Variants in SLC7A6OS observed in about 807,000 individuals in gnomAD.
The protein encoded by SLC7A6OS is solute carrier family 7 member 6 opposite strand, also known as probable RNA polymerase II nuclear localization protein SLC7A6OS.
SLC7A6OS carries 22 observed loss-of-function variants against 34.3 expected under a neutral mutation model. That is an observed-to-expected ratio of 0.64 (90% CI 0.46 to 0.92). The LOEUF (loss-of-function observed/expected upper bound fraction) is 0.92. Among genes scored for constraint, SLC7A6OS ranks in the 40% least tolerant of loss-of-function variants. The pLI is 0.00. For missense variants in SLC7A6OS, 434 were observed against 407.7 expected, an observed-to-expected ratio of 1.06 and a Z score of -0.56; for synonymous variants, 199 against 165.0, an observed-to-expected ratio of 1.21 and a Z score of -1.58.
chr16:68,309,324 C>G (rs1188106776), intron 2 of SLC7A6OS, among the ~76,000 whole-genome samples: 1 of 151,998 alleles, frequency 6.6e-6, no homozygotes, highest in Non-Finnish European at 1.5e-5. Flanking sequence ...CTCAAGCGAC[C>G]CTCCTGCCTC....
rs142733337 is a variant in SLC7A6OS at position 68,298,848 on chromosome 16, C to G, written c.*2427G>C. 6.6e-6 allele frequency: 1 copy of G among 152,564 alleles called. No individual in the cohort carries two copies. Among genetic ancestry groups the G allele is most frequent in the African/African-American group, 2.4e-5 (1 of 41,410 alleles). 9.5% of individuals were successfully genotyped at this position (152,564 alleles called of 1,614,324 possible). A position where few individuals can be genotyped will look rare whatever the true frequency, so the allele number is the denominator to read the frequency against. On this transcript the variant is annotated 3_prime_UTR_variant, in exon 5 of 5. Transcript: ENST00000263997. ...GCCCCCAGACACTGTCATCCTGGGC[C>G]GAGAAGAACCTGCTAGCTTGACATA...
chr16:68,301,524 A>G (rs2043275902), intron 4 of SLC7A6OS, 119 bp from the exon 5 acceptor site: 1 of 740,352 alleles, frequency 1.4e-6, no homozygotes, highest in South Asian at 2.6e-5. Context: ...ATCCTTGCTC[A>G]ATAAATAAAA....
At position 68,304,135 on chromosome 16, in the gene SLC7A6OS, T is replaced by C; in HGVS notation, c.569A>G (p.Glu190Gly). The C allele has an allele frequency of 6.2e-7, 1 of 1,614,148 alleles. No individual in the cohort carries two copies. The highest frequency in any genetic ancestry group is 8.5e-7 in the Non-Finnish European group (1 of 1,180,036). The change falls in exon 3 of 5, where the codon GAA (glutamate) becomes GGA (glycine). Residue 190 changes from glutamate to glycine, a missense_variant. Coordinates refer to ENST00000263997, the MANE Select transcript of SLC7A6OS (RefSeq NM_032178.3). ...EDGPGVRRQE[E>G]QKHDDYVYDI... ...ATACACATAGTCATCGTGTTTTTGT[T>C]CTTCCTGGCGCCTGACTCCTGGTCC...
rs1017295588 is a variant in SLC7A6OS, at chr16:68,304,105, A to G, written c.599T>C (p.Ile200Thr). 1 of 1,613,998 alleles carries G rather than the reference A, an allele frequency of 6.2e-7. No homozygotes were observed. Among genetic ancestry groups the G allele is most frequent in the Admixed American group, 1.7e-5 (1 of 59,992 alleles). ...TGGAGTGGCCGTCTCCAAGTAGTAA[A>G]TGTCATACACATAGTCATCGTGTTT... ...EQKHDDYVYD[I>T]YYLETATPGW... Residue 200 changes from isoleucine (I) to threonine (T), a missense_variant, in exon 3 of 5, where the codon ATT becomes ACT. Coordinates refer to ENST00000263997, the MANE Select transcript of SLC7A6OS (RefSeq NM_032178.3).
rs770799799 is a variant in SLC7A6OS at position 68,310,362 on chromosome 16, A to G, written c.444T>C (p.Pro148=). The change falls in exon 2 of 5, where the codon CCT becomes CCC. Residue 148 remains proline (P), a synonymous_variant. Coordinates refer to ENST00000263997, the MANE Select transcript of SLC7A6OS (RefSeq NM_032178.3). ...TGCAGGAGCCTGCAGAGGCGGCTTC[A>G]GGTTCTCCCTCCTCGTGGACAAGGT... is the stretch of plus-strand genomic sequence containing the variant. The part of the protein sequence containing the change: ...LLDLVHEEGE[P]EAASAGSCKT... 6 of 1,607,742 alleles carry G rather than the reference A, an allele frequency of 3.7e-6. No homozygotes were observed. In the African/African-American group the frequency reaches 6.7e-5, roughly 18 times the overall value.
At position 68,300,925 on chromosome 16, in the gene SLC7A6OS, T is replaced by G. The variant is rs1158886327; in HGVS notation, c.*350A>C. On this transcript the variant is annotated 3_prime_UTR_variant, in exon 5 of 5. Coordinates refer to ENST00000263997, the MANE Select transcript of SLC7A6OS (RefSeq NM_032178.3). Reference sequence around the variant, plus strand: ...CAGCAGAAGCTTACTGCTAATGAAATGGGAACCTCCCCCTCCCTTGTGGTT... The same window carrying G: ...CAGCAGAAGCTTACTGCTAATGAAAGGGGAACCTCCCCCTCCCTTGTGGTT... 1 of 1,002,222 alleles carries G rather than the reference T, an allele frequency of 1.0e-6. No homozygotes were observed. Among genetic ancestry groups the G allele is most frequent in the Non-Finnish European group, 1.2e-6 (1 of 840,956 alleles). The allele number at this position is 1,002,222 out of a possible 1,614,324, so 62.1% of individuals were successfully genotyped here. A position where few individuals can be genotyped will look rare whatever the true frequency, so the allele number is the denominator to read the frequency against.
intron 2 of SLC7A6OS, among the ~76,000 whole-genome samples, chr16:68,308,200 C>A (rs1396451507): frequency 1.3e-5 from 2 of 151,984 alleles, no homozygotes; most frequent in Non-Finnish European, 2.9e-5. Context: ...CTGTGCCCGG[C>A]CTAGTGAACT....
chr16:68,305,118 GCTTCTATAGGT>G (rs2043317624), intron 2 of SLC7A6OS, among the ~76,000 whole-genome samples: 1 of 152,166 alleles, frequency 6.6e-6, no homozygotes, highest in Non-Finnish European at 1.5e-5. Context: ...AGTCAGACCT[GCTTCTATAGGT>G]CTTCTGAGAT....
At chr16:68,305,561 T>C (rs2043320679) in intron 2 of SLC7A6OS, among the ~76,000 whole-genome samples, 1 of 151,976 alleles carries the variant, frequency 6.6e-6, no homozygotes, top group Admixed American at 6.6e-5. Context: ...CGCAGGAAAA[T>C]GGGGAAGATC....
At chr16:68,301,436 ATG>A in intron 4 of SLC7A6OS, 31 bp from the exon 5 acceptor site, 3 of 1,602,994 alleles carry the variant, frequency 1.9e-6, no homozygotes, top group Non-Finnish European at 2.6e-6. Context: ...TGGATTCTAA[ATG>A]TGATTTTCCT....
At position 68,299,389 on chromosome 16, in the gene SLC7A6OS, CTCCTT is replaced by C. The variant is rs1165554504; in HGVS notation, c.*1881_*1885del. 1 of 152,634 alleles carries C rather than the reference CTCCTT, an allele frequency of 6.6e-6. No homozygotes were observed. The highest frequency in any genetic ancestry group is 6.5e-5 in the Admixed American group (1 of 15,268). The allele number at this position is 152,634 out of a possible 1,614,324, so 9.5% of individuals were successfully genotyped here. ...TACTTGCTTAGTGAGCCATGTCATCCTCCTTTCATTTTTGGATGGTGACAGCATTT... is the reference window on the plus strand; with the variant it reads ...TACTTGCTTAGTGAGCCATGTCATCCTCATTTTTGGATGGTGACAGCATTT... On this transcript the variant is annotated 3_prime_UTR_variant, in exon 5 of 5. Transcript: ENST00000263997.
rs773262305 is a variant in SLC7A6OS at position 68,310,863 on chromosome 16, C to T, written c.64G>A (p.Ala22Thr). The change falls in exon 1 of 5, where the codon GCT becomes ACT. Residue 22 changes from alanine (A) to threonine (T), a missense_variant. Transcript: ENST00000263997. The stretch of plus-strand genomic sequence containing the variant: ...AGGCGTTTACAAGCGAGCACAAGAG[C>T]CTCCGCCGGCTCCGCACTGCGCTTC... ...KRKRSAEPAE[A>T]LVLACKRLRS... 2 of 1,611,416 alleles carry T rather than the reference C, an allele frequency of 1.2e-6. No homozygotes were observed. Among genetic ancestry groups the T allele is most frequent in the Non-Finnish European group, 1.7e-6 (2 of 1,179,412 alleles).
chr16:68,299,883 G>A lies in SLC7A6OS; in HGVS notation c.*1392C>T, dbSNP rs1418130814. On this transcript the variant is annotated 3_prime_UTR_variant, in exon 5 of 5. Coordinates refer to ENST00000263997, the MANE Select transcript of SLC7A6OS (RefSeq NM_032178.3). The stretch of plus-strand genomic sequence containing the variant: ...TGTGTACACAGAATTTAATCACTTC[G>A]GCAGGTTGAACAACTCCATGTAGAT... 1 of 152,062 alleles carries A rather than the reference G, an allele frequency of 6.6e-6. No homozygotes were observed. The highest frequency in any genetic ancestry group is 1.5e-5 in the Non-Finnish European group (1 of 68,022). The allele number at this position is 152,062 out of a possible 1,614,324, so 9.4% of individuals were successfully genotyped here.
chr16:68,302,324 G>A (rs767705172), intron 4 of SLC7A6OS, 57 bp downstream of exon 4: 1 of 1,602,106 alleles, frequency 6.2e-7, no homozygotes, highest in South Asian at 1.1e-5. Context: ...TGTCAACTAT[G>A]CCTGCACCTC....
At position 68,300,719 on chromosome 16, in the gene SLC7A6OS, T is replaced by TTGATG. The variant is rs1356680771; in HGVS notation, c.*555_*556insCATCA. ...AGTCAGTCAGTAATTTCACAACCGTTATCAGAGTTTGGAAGCAGAAATAGC... is the reference window on the plus strand; with the variant it reads ...AGTCAGTCAGTAATTTCACAACCGTTTGATGATCAGAGTTTGGAAGCAGAAATAGC... On this transcript the variant is annotated 3_prime_UTR_variant, in exon 5 of 5. Transcript: ENST00000263997. 3 of 985,398 alleles carry TTGATG rather than the reference T, an allele frequency of 3.0e-6. No individual in the cohort carries two copies. The East Asian group carries it at 3.4e-4, about 112-fold the overall frequency. The allele number at this position is 985,398 out of a possible 1,614,324, so 61.0% of individuals were successfully genotyped here. A position where few individuals can be genotyped will look rare whatever the true frequency, so the allele number is the denominator to read the frequency against.
Position 68,301,044 on chromosome 16 carries a change from A to T in SLC7A6OS, c.*231T>A. 2 of 1,197,262 alleles carry T rather than the reference A, an allele frequency of 1.7e-6. No homozygotes were observed. The highest frequency in any genetic ancestry group is 2.1e-6 in the Non-Finnish European group (2 of 966,060). 74.2% of individuals were successfully genotyped at this position (1,197,262 alleles called of 1,614,324 possible). On this transcript the variant is annotated 3_prime_UTR_variant, in exon 5 of 5. Coordinates refer to ENST00000263997, the MANE Select transcript of SLC7A6OS (RefSeq NM_032178.3). ...TTTTCAACGTTTTTTTTTCTTTCAA[A>T]CTGTAGGGTCACTTTTGATTGAGGC... is the stretch of plus-strand genomic sequence containing the variant.
chr16:68,308,787 T>C (rs1056089227), intron 2 of SLC7A6OS, among the ~76,000 whole-genome samples: 1 of 152,052 alleles, frequency 6.6e-6, no homozygotes, highest in Admixed American at 6.5e-5. Context: ...GCGCAGCGGC[T>C]CATGCCTGTA....
chr16:68,310,537 A>C lies in SLC7A6OS; in HGVS notation c.269T>G (p.Leu90Arg). The C allele has an allele frequency of 6.3e-7, 1 of 1,583,606 alleles. No individual in the cohort carries two copies. The highest frequency in any genetic ancestry group is 2.3e-5 in the East Asian group (1 of 42,978). ...CCGGACCTCCCGAGCCGAGGCGCGG[A>C]GATTACGGCGGACACGCTGCTGGCT... Reference protein sequence around the residue: ...RDSQQRVRRNLRASAREVRQE... With the variant: ...RDSQQRVRRNRRASAREVRQE... Residue 90 changes from leucine (L) to arginine (R), a missense_variant, in exon 2 of 5, where the codon CTC becomes CGC. Transcript: ENST00000263997.
chr16:68,310,556 G>T lies in SLC7A6OS; in HGVS notation c.250C>A (p.Gln84Lys). The T allele has an allele frequency of 6.3e-7, 1 of 1,582,604 alleles. No individual in the cohort carries two copies. Residue 84 changes from glutamine (Q) to lysine (K), a missense_variant, in exon 2 of 5, where the codon CAG (glutamine) becomes AAG (lysine). Coordinates refer to ENST00000263997, the MANE Select transcript of SLC7A6OS (RefSeq NM_032178.3). Reference protein sequence around the residue: ...EVLRPSRDSQQRVRRNLRASA... With the variant: ...EVLRPSRDSQKRVRRNLRASA... The stretch of plus-strand genomic sequence containing the variant: ...GCGCGGAGATTACGGCGGACACGCT[G>T]CTGGCTGTCCCGTGACGGGCGCAGA...
Sources: allele counts gnomAD v4.1 joint callset (sites outside exome capture counted in the v4.1 genomes callset), GRCh38; gene constraint gnomAD v4.1.1; transcripts MANE v1.5; gene names NCBI Gene and HGNC (gene_info 2026-07-23, HGNC 2026-07-21).